The following PKNOX2 variants were observed in gnomAD, a reference collection of about 807,000 sequenced individuals.
The protein encoded by PKNOX2 is PBX/knotted 1 homeobox 2, also known as homeobox protein PKNOX2.
Under a neutral mutation model 53.1 loss-of-function variants are expected in PKNOX2, and 14 were observed. The observed-to-expected ratio is 0.26, with a 90% CI of 0.17 to 0.41. The LOEUF (loss-of-function observed/expected upper bound fraction) is 0.41, where lower values mean the gene tolerates loss of function less well. PKNOX2 is among the 10% of genes least tolerant of loss of function. The probability of loss-of-function intolerance (pLI) is 1.00; values close to 1 mark genes in which losing one functional copy is unlikely to be tolerated. For missense variants in PKNOX2, 496 were observed against 602.8 expected, an observed-to-expected ratio of 0.82 and a Z score of 1.85; for synonymous variants, 257 against 242.8, an observed-to-expected ratio of 1.06 and a Z score of -0.54.
intron 7 of PKNOX2, among the ~76,000 whole-genome samples, chr11:125,400,310 G>A (rs1029913150): frequency 1.3e-5 from 2 of 152,132 alleles, no homozygotes; most frequent in Non-Finnish European, 2.9e-5. Context: ...GGTAAATACG[G>A]TGATTACACA....
At chr11:125,359,199 T>C (rs942313825) in intron 4 of PKNOX2, among the ~76,000 whole-genome samples, 1 of 147,410 alleles carries the variant, frequency 6.8e-6, no homozygotes, top group African/African-American at 2.6e-5. Context: ...GGCGATAGGG[T>C]AAGGGGAGGA....
chr11:125,343,032 G>T (rs911277386), intron 3 of PKNOX2, among the ~76,000 whole-genome samples: 47 of 152,170 alleles, frequency 3.1e-4, no homozygotes, highest in African/African-American at 1.1e-3. Context: ...AGGTTAGAAG[G>T]TTCCAAGGGG....
At chr11:125,292,926 T>C (rs60733650) in intron 2 of PKNOX2, among the ~76,000 whole-genome samples, 7,984 of 152,214 alleles carry the variant, frequency 0.052, 689 homozygotes, top group African/African-American at 0.18. Flanking sequence ...TGGGAGACGA[T>C]GCGTGTTATT....
At position 125,425,772 on chromosome 11, in the gene PKNOX2, T is replaced by C. The variant is rs146882103; in HGVS notation, c.937-3240T>C. On this transcript the variant is annotated intron_variant, in intron 10 of 12. Coordinates refer to ENST00000298282, the MANE Select transcript of PKNOX2 (RefSeq NM_001382323.2). The stretch of plus-strand genomic sequence containing the variant: ...ATTTTGACTCTGTCCTCAGGAATCA[T>C]GTGGTCTGAGGCGTGTACGAGCTGG... Among the ~76,000 whole-genome samples, 1,240 of 152,356 alleles carry C rather than the reference T, an allele frequency of 8.1e-3. 7 individuals carry two copies. The highest frequency in any genetic ancestry group is 0.014 in the Non-Finnish European group (922 of 68,036).
chr11:125,252,110 G>T (rs1251830113), intron 2 of PKNOX2, among the ~76,000 whole-genome samples: 9 of 152,346 alleles, frequency 5.9e-5, no homozygotes, highest in African/African-American at 2.2e-4. Flanking sequence ...AAGCGGTGAA[G>T]AGGGCACTTT....
intron 1 of PKNOX2, among the ~76,000 whole-genome samples, chr11:125,198,383 A>G (rs184086885): frequency 2.6e-5 from 4 of 152,316 alleles, no homozygotes; most frequent in Admixed American, 2.6e-4. Flanking sequence ...CACCCCATCA[A>G]TCAGTTTCAG....
chr11:125,175,265 AGGG>A (rs1353682086), intron 1 of PKNOX2, among the ~76,000 whole-genome samples: 3 of 151,986 alleles, frequency 2.0e-5, no homozygotes, highest in African/African-American at 7.2e-5. Context: ...GGAAGGAAGG[AGGG>A]AGAGCTTCAA....
chr11:125,189,490 T>C (rs868151438), intron 1 of PKNOX2, among the ~76,000 whole-genome samples: 3,359 of 113,820 alleles, frequency 0.03, 209 homozygotes, highest in African/African-American at 0.11. Flanking sequence ...TATATATATA[T>C]ACAAAAGCAA....
intron 1 of PKNOX2, among the ~76,000 whole-genome samples, chr11:125,228,261 T>A (rs1043536063): frequency 6.6e-6 from 1 of 152,244 alleles, no homozygotes; most frequent in African/African-American, 2.4e-5. Flanking sequence ...GAATGAGGAC[T>A]GAATTTTACA....
intron 10 of PKNOX2, among the ~76,000 whole-genome samples, chr11:125,424,064 A>G (rs1956292505): frequency 6.6e-6 from 1 of 152,056 alleles, no homozygotes; most frequent in Non-Finnish European, 1.5e-5. Context: ...AAAACTATAA[A>G]GAAAAGCAAG....
intron 1 of PKNOX2, among the ~76,000 whole-genome samples, chr11:125,195,912 C>G (rs1937627849): frequency 6.7e-6 from 1 of 149,552 alleles, no homozygotes; most frequent in African/African-American, 2.6e-5. Context: ...CACACACACA[C>G]ACACACACAC....
At chr11:125,402,525 T>A (rs1954812299) in intron 7 of PKNOX2, among the ~76,000 whole-genome samples, 1 of 152,118 alleles carries the variant, frequency 6.6e-6, no homozygotes, top group East Asian at 1.9e-4. Context: ...TTGCCAAGCG[T>A]TTGGGGGGCA....
At chr11:125,259,945 C>T (rs1944711546) in intron 2 of PKNOX2, among the ~76,000 whole-genome samples, 1 of 151,734 alleles carries the variant, frequency 6.6e-6, no homozygotes, top group African/African-American at 2.4e-5. Flanking sequence ...GGCACAATCA[C>T]AGCTCATTGT....
intron 1 of PKNOX2, among the ~76,000 whole-genome samples, chr11:125,192,940 G>A (rs1004493286): frequency 1.3e-5 from 2 of 152,226 alleles, no homozygotes; most frequent in African/African-American, 2.4e-5. Flanking sequence ...CTGCCCTGAG[G>A]TGACCTGAAG....
In PKNOX2 at chr11:125,352,800, G is replaced by A. The variant is rs1429480662; in HGVS notation, c.87+1408G>A. ...CCCAGCCTAACCCCATCCTCAGCGA[G>A]CCCTCTGCTCATGCCAGTAGCTTCC... is the stretch of plus-strand genomic sequence containing the variant. On this transcript the variant is annotated intron_variant, in intron 4 of 12. Transcript: ENST00000298282. The surrounding 1 kb of genome is among the most constrained non-coding windows in gnomAD (Gnocchi z 4.1). Among the ~76,000 whole-genome samples the A allele has an allele frequency of 6.6e-6, 1 of 152,132 alleles. No homozygotes were observed. The highest frequency in any genetic ancestry group is 1.9e-4 in the East Asian group (1 of 5,194).
At chr11:125,383,015 G>C (rs1953358485) in intron 5 of PKNOX2, among the ~76,000 whole-genome samples, 1 of 152,140 alleles carries the variant, frequency 6.6e-6, no homozygotes, top group Admixed American at 6.6e-5. Context: ...ACCAGGGTCG[G>C]GGAGAGAGTG....
intron 6 of PKNOX2, among the ~76,000 whole-genome samples, chr11:125,385,956 T>C (rs1591551595): frequency 6.6e-6 from 1 of 151,338 alleles, no homozygotes; most frequent in East Asian, 1.9e-4. Context: ...ATGCCCAGGG[T>C]GGCACTAGCA....
At chr11:125,396,469 C>A (rs572810784) in intron 6 of PKNOX2, among the ~76,000 whole-genome samples, 4 of 151,846 alleles carry the variant, frequency 2.6e-5, no homozygotes, top group African/African-American at 9.7e-5. Context: ...ATTTGAACAA[C>A]CCCCTGTTGA....
chr11:125,414,883 G>T (rs908745118), intron 10 of PKNOX2, among the ~76,000 whole-genome samples: 1 of 152,162 alleles, frequency 6.6e-6, no homozygotes, highest in Non-Finnish European at 1.5e-5. Flanking sequence ...AATGGACCAA[G>T]AGCAAGTTTT....
Sources: allele counts gnomAD v4.1 joint callset (sites outside exome capture counted in the v4.1 genomes callset), GRCh38; gene constraint gnomAD v4.1.1; non-coding constraint Gnocchi (gnomAD v3.1); transcripts MANE v1.5; gene names NCBI Gene and HGNC (gene_info 2026-07-23, HGNC 2026-07-21).